The following ASH1L variants were observed in gnomAD, a reference collection of about 807,000 sequenced individuals.
ASH1L encodes the protein histone-lysine N-methyltransferase ASH1L.
In ASH1L, 23 loss-of-function variants were observed where a neutral mutation model predicts 269.0. That is an observed-to-expected ratio of 0.09 (90% CI 0.06 to 0.12). The LOEUF (loss-of-function observed/expected upper bound fraction) is 0.12, where lower values mean the gene tolerates loss of function less well. Among genes scored for constraint, ASH1L ranks in the 10% least tolerant of loss-of-function variants. The probability of loss-of-function intolerance (pLI) is 1.00; values close to 1 mark genes in which losing one functional copy is unlikely to be tolerated. For missense variants in ASH1L, 2,912 were observed against 3,567.8 expected, an observed-to-expected ratio of 0.82 and a Z score of 4.68; for synonymous variants, 1,187 against 1,253.5, an observed-to-expected ratio of 0.95 and a Z score of 1.12.
intron 6 of ASH1L, among the ~76,000 whole-genome samples, chr1:155,405,336 GC>G (rs1659189095): frequency 6.6e-6 from 1 of 151,316 alleles, no homozygotes; most frequent in Non-Finnish European, 1.5e-5. Flanking sequence ...ATAAAAATTA[GC>G]CAGGTGTGTT....
At position 155,444,410 on chromosome 1, in the gene ASH1L, A is replaced by G. The variant is rs996668526; in HGVS notation, c.5087-5342T>C. ...TCCTCACCAAGACTTGGTATTATGC[A>G]GTCTTTTACATTTTAATCATTCTAA... is the stretch of plus-strand genomic sequence containing the variant. On this transcript the variant is annotated intron_variant, in intron 4 of 27. Transcript: ENST00000392403. Among the ~76,000 whole-genome samples, 9 of 152,274 alleles carry G rather than the reference A, an allele frequency of 5.9e-5. No individual in the cohort carries two copies. In the East Asian group the frequency reaches 1.7e-3, roughly 29 times the overall value.
rs1558008973 is a variant in ASH1L, at chr1:155,338,183, C to T, written c.8709G>A (p.Gln2903=). ...GTCGTTCCTCAGGGGTACAGGTTGACTGGGGTTCTTGACTACTTTCCTCTG... is the reference window on the plus strand; with the variant it reads ...GTCGTTCCTCAGGGGTACAGGTTGATTGGGGTTCTTGACTACTTTCCTCTG... ...KKTEESSQEP[Q]STCTPEERRH... Residue 2903 remains glutamine (Q), a synonymous_variant, in exon 27 of 28, where the codon CAG becomes CAA. Transcript: ENST00000392403. The T allele has an allele frequency of 6.2e-7, 1 of 1,614,064 alleles. No individual in the cohort carries two copies. The highest frequency in any genetic ancestry group is 8.5e-7 in the Non-Finnish European group (1 of 1,180,012).
chr1:155,351,737 C>A (rs2148351264), intron 17 of ASH1L, among the ~76,000 whole-genome samples: 1 of 151,714 alleles, frequency 6.6e-6, no homozygotes, highest in East Asian at 1.9e-4. Context: ...GTAGTCCCAG[C>A]TACTCAAGAA....
intron 1 of ASH1L, among the ~76,000 whole-genome samples, chr1:155,530,525 A>G (rs975579593): frequency 1.3e-5 from 2 of 151,818 alleles, no homozygotes; most frequent in South Asian, 2.1e-4. Context: ...CAGGAGTTTG[A>G]GACCAGCCTG....
At chr1:155,485,451 G>A (rs1487757410) in intron 2 of ASH1L, among the ~76,000 whole-genome samples, 2 of 152,190 alleles carry the variant, frequency 1.3e-5, no homozygotes, top group Non-Finnish European at 2.9e-5. Context: ...CTTCTGAGTA[G>A]TTGGGCTAAC....
chr1:155,371,542 C>T (rs1427276092), intron 10 of ASH1L, among the ~76,000 whole-genome samples: 3 of 151,700 alleles, frequency 2.0e-5, no homozygotes, highest in African/African-American at 4.9e-5. Context: ...AGTGAGACTC[C>T]GTCTCAAAAT....
At chr1:155,504,034 A>C (rs1273569427) in intron 2 of ASH1L, among the ~76,000 whole-genome samples, 1 of 152,166 alleles carries the variant, frequency 6.6e-6, no homozygotes, top group Non-Finnish European at 1.5e-5. Context: ...ATAACTCTTG[A>C]CATAAGGCAT....
At chr1:155,460,388 T>A (rs921948701) in intron 3 of ASH1L, among the ~76,000 whole-genome samples, 4 of 152,112 alleles carry the variant, frequency 2.6e-5, no homozygotes, top group African/African-American at 9.7e-5. Flanking sequence ...GGCGGGTGGA[T>A]CACAAGGTCA....
At chr1:155,550,574 T>A (rs1192961671) in intron 1 of ASH1L, among the ~76,000 whole-genome samples, 1 of 152,208 alleles carries the variant, frequency 6.6e-6, no homozygotes, top group Non-Finnish European at 1.5e-5. Context: ...CTTATGCTCA[T>A]GCCCCAGATA....
chr1:155,439,774 T>G (rs1364051053), intron 4 of ASH1L, among the ~76,000 whole-genome samples: 1 of 151,998 alleles, frequency 6.6e-6, no homozygotes, highest in Admixed American at 6.6e-5. Context: ...TGGGTCATAC[T>G]TCTCCAAAGT....
rs780654679 is a variant in ASH1L at position 155,478,281 on chromosome 1, T to A, written c.4589A>T (p.His1530Leu). Residue 1530 changes from histidine (H) to leucine (L), a missense_variant, in exon 3 of 28, where the codon CAT becomes CTT. His to Leu is a moderately conservative substitution (Grantham distance 99, BLOSUM62 -3). Transcript: ENST00000392403. The surrounding 1 kb of genome is among the most constrained non-coding windows in gnomAD (Gnocchi z 4.6). ...GKDAVGERYKHKEKHRCHMSC... is the reference protein window; with the variant it reads ...GKDAVGERYKLKEKHRCHMSC... ...CATGTGACAACGGTGCTTTTCCTTA[T>A]GCTTATATCGCTCTCCAACAGCATC... is the stretch of plus-strand genomic sequence containing the variant. 2.4e-5 allele frequency: 38 copies of A among 1,614,044 alleles called. No homozygotes were observed. The highest frequency in any genetic ancestry group is 3.2e-5 in the Non-Finnish European group (38 of 1,180,042).
In ASH1L at chr1:155,459,823, G is replaced by A; in HGVS notation, c.5060C>T (p.Ser1687Phe). 1 of 1,613,656 alleles carries A rather than the reference G, an allele frequency of 6.2e-7. No homozygotes were observed. The highest frequency in any genetic ancestry group is 1.1e-5 in the South Asian group (1 of 90,994). ...STNCSPTRKR[S>F]SSESTSSTVN... The stretch of plus-strand genomic sequence containing the variant: ...TGTTGAAGAAGTACTCTCAGATGAA[G>A]ACCTTTTCCGGGTAGGGCTACAATT... The change falls in exon 4 of 28, where the codon TCT becomes TTT. Residue 1687 changes from serine (S) to phenylalanine (F), a missense_variant. Physicochemically the swap from Ser to Phe is radical, Grantham distance 155. Around this residue, in one of 13 missense-constraint regions of ASH1L, gnomAD observed 789 missense variants for 897.6 expected, o/e 0.88. Coordinates refer to ENST00000392403, the MANE Select transcript of ASH1L (RefSeq NM_018489.3).
chr1:155,482,538 C>T, intron 2 of ASH1L, 89 bp from the exon 3 acceptor site: 2 of 1,339,914 alleles, frequency 1.5e-6, no homozygotes, highest in Non-Finnish European at 2.1e-6. Context: ...TAATGGATCA[C>T]ATATCAGATA....
intron 6 of ASH1L, among the ~76,000 whole-genome samples, chr1:155,405,622 G>A (rs936787760): frequency 6.6e-6 from 1 of 152,004 alleles, no homozygotes; most frequent in Non-Finnish European, 1.5e-5. Flanking sequence ...CTGAGGTCAG[G>A]AGTTCAAGAT....
In ASH1L at chr1:155,393,826, A is replaced by AC. The variant is rs1433688330; in HGVS notation, c.6103+1632dup. 4.6e-5 allele frequency among the ~76,000 whole-genome samples: 7 copies of AC among 152,220 alleles called. No homozygotes were observed. The East Asian group carries it at 1.4e-3, about 29-fold the overall frequency. On this transcript the variant is annotated intron_variant, in intron 7 of 27. Coordinates refer to ENST00000392403, the MANE Select transcript of ASH1L (RefSeq NM_018489.3). Reference sequence around the variant, plus strand: ...CTAGGTCTCCCAAACTGCTGGGGTTACAGGTGTGAGCCACCGCACCCAGCC... The same window carrying AC: ...CTAGGTCTCCCAAACTGCTGGGGTTACCAGGTGTGAGCCACCGCACCCAGCC...
chr1:155,533,548 C>T (rs1289270699), intron 1 of ASH1L, among the ~76,000 whole-genome samples: 1 of 149,364 alleles, frequency 6.7e-6, no homozygotes, highest in Non-Finnish European at 1.5e-5. Flanking sequence ...CCCGTCTCCA[C>T]TTAAAAAAAA....
chr1:155,527,553 T>C (rs1024621438), intron 1 of ASH1L, among the ~76,000 whole-genome samples: 85 of 129,052 alleles, frequency 6.6e-4, no homozygotes, highest in Non-Finnish European at 1.3e-3. Flanking sequence ...TTTTTTTTTT[T>C]TGAGTCAAGG....
At position 155,377,979 on chromosome 1, in the gene ASH1L, C is replaced by T. The variant is rs186252680; in HGVS notation, c.6332+302G>A. 6.8e-4 allele frequency among the ~76,000 whole-genome samples: 102 copies of T among 151,028 alleles called. 1 individual carries two copies. The highest frequency in any genetic ancestry group is 2.0e-3 in the African/African-American group (82 of 41,200). ...CGGAGCTTGCAGTGAGCCGAGATCG[C>T]GCCACTGCACTCCAGCCTGGGCGAC... On this transcript the variant is annotated intron_variant, in intron 10 of 27. Coordinates refer to ENST00000392403, the MANE Select transcript of ASH1L (RefSeq NM_018489.3).
intron 1 of ASH1L, among the ~76,000 whole-genome samples, chr1:155,546,041 C>G (rs1183025800): frequency 6.6e-6 from 1 of 152,028 alleles, no homozygotes; most frequent in Non-Finnish European, 1.5e-5. Flanking sequence ...TGCCTGTAAT[C>G]CCAACTACAC....
Sources: gnomAD v4.1 joint callset for allele counts (sites outside exome capture counted in the v4.1 genomes callset) on GRCh38, gnomAD v4.1.1 for gene constraint, gnomAD v4.1.1 regional missense constraint, Gnocchi (gnomAD v3.1) non-coding constraint, MANE v1.5 for transcripts, NCBI Gene and HGNC (gene_info 2026-07-23, HGNC 2026-07-21) for gene names.